Variants in BICRAL observed in about 807,000 individuals in gnomAD.
BICRAL encodes BRD4-interacting chromatin-remodeling complex-associated protein-like.
Under a neutral mutation model 91.8 loss-of-function variants are expected in BICRAL, and 8 were observed. That is an observed-to-expected ratio of 0.09 (90% CI 0.05 to 0.16). The LOEUF (loss-of-function observed/expected upper bound fraction) is 0.16. Ranked by LOEUF, BICRAL falls within the 10% of genes least tolerant of loss-of-function variation. The pLI, the probability that BICRAL is intolerant of heterozygous loss-of-function variation, is 1.00. For missense variants in BICRAL, 1,038 were observed against 1,310.9 expected, an observed-to-expected ratio of 0.79 and a Z score of 3.21; for synonymous variants, 445 against 491.1, an observed-to-expected ratio of 0.91 and a Z score of 1.24.
At position 42,764,469 on chromosome 6, in the gene BICRAL, C is replaced by T. The variant is rs534424499; in HGVS notation, c.-260-17370C>T. 3.3e-5 allele frequency among the ~76,000 whole-genome samples: 5 copies of T among 151,704 alleles called. No individual in the cohort carries two copies. In the South Asian group the frequency reaches 8.3e-4, roughly 25 times the overall value. On this transcript the variant is annotated intron_variant, in intron 1 of 14. Coordinates refer to the BICRAL transcript ENST00000614467. ...CCAGAGGCTGAGGTTGGAGGATCAC[C>T]TGAGCCTGGGAAGTTGAGGCTGCAG...
intron 6 of BICRAL, among the ~76,000 whole-genome samples, chr6:42,850,850 G>T (rs895382032): frequency 6.7e-6 from 1 of 149,642 alleles, no homozygotes; most frequent in Non-Finnish European, 1.5e-5. Flanking sequence ...GCCTGGTGAC[G>T]GAGTGAGATT....
rs754888670 is a variant in BICRAL, at chr6:42,828,819, G to A, written c.486G>A (p.Thr162=). 9.3e-6 allele frequency: 15 copies of A among 1,614,016 alleles called. No individual in the cohort carries two copies. Among genetic ancestry groups the A allele is most frequent in the Middle Eastern group, 3.3e-4 (2 of 6,084 alleles). ...ATGTTTCTAATTACTCAGGTCAGACGCTGCAGCCTATAGGGGTGACGCATG... is the reference window on the plus strand; with the variant it reads ...ATGTTTCTAATTACTCAGGTCAGACACTGCAGCCTATAGGGGTGACGCATG... ...ASNVSNYSGQ[T]LQPIGVTHVP... The change falls in exon 6 of 13, where the codon ACG becomes ACA. Residue 162 remains threonine (T), a synonymous_variant. Coordinates refer to ENST00000314073, the MANE Select transcript of BICRAL (RefSeq NM_001393499.1).
At chr6:42,860,715 A>G (rs1765530739) in intron 11 of BICRAL, among the ~76,000 whole-genome samples, 1 of 152,250 alleles carries the variant, frequency 6.6e-6, no homozygotes, top group African/African-American at 2.4e-5. Flanking sequence ...GCCTTTCACC[A>G]ACCCAGAGAT....
chr6:42,855,556 A>T (rs1205371531), intron 8 of BICRAL, among the ~76,000 whole-genome samples: 1 of 151,758 alleles, frequency 6.6e-6, no homozygotes, highest in Non-Finnish European at 1.5e-5. Context: ...CATGATGATG[A>T]TGATGATGAT....
upstream of BICRAL, among the ~76,000 whole-genome samples, chr6:42,781,596 G>GGTGT (rs61437847): frequency 0.25 from 25,699 of 102,752 alleles, 3,490 homozygotes; most frequent in South Asian, 0.4. Context: ...TGGGTGGGTG[G>GGTGT]GTGTGTGTGT....
At chr6:42,839,531 A>G (rs1371372334) in intron 6 of BICRAL, among the ~76,000 whole-genome samples, 1 of 151,552 alleles carries the variant, frequency 6.6e-6, no homozygotes, top group East Asian at 1.9e-4. Flanking sequence ...GAGCCCTCAT[A>G]CTCCCTCAGC....
At chr6:42,747,541 A>G (rs757609343) in intron 1 of BICRAL, among the ~76,000 whole-genome samples, 11 of 150,576 alleles carry the variant, frequency 7.3e-5, no homozygotes, top group Admixed American at 3.3e-4. Context: ...TTCCCACTTA[A>G]AACAAACAAA....
At chr6:42,845,437 T>G (rs1764977662) in intron 6 of BICRAL, among the ~76,000 whole-genome samples, 1 of 151,732 alleles carries the variant, frequency 6.6e-6, no homozygotes, top group Non-Finnish European at 1.5e-5. Flanking sequence ...GTTACTCAAA[T>G]GGCTCATCAA....
chr6:42,822,843 C>A lies in BICRAL; in HGVS notation c.89C>A (p.Ser30Tyr). Residue 30 changes from serine (S) to tyrosine (Y), a missense_variant and splice_region_variant, in exon 4 of 13, where the codon TCT (serine) becomes TAT (tyrosine). By Grantham distance (144) the Ser-to-Tyr change is moderately radical (BLOSUM62 -2). Transcript: ENST00000314073. Reference protein sequence around the residue: ...NYFLHGPSNKSSNDDLTNAGY... With the variant: ...NYFLHGPSNKYSNDDLTNAGY... ...TTTCTACATGGACCTAGTAATAAAT[C>A]TGTAAGTAATGCATAGAATACCACA... 1 of 1,559,712 alleles carries A rather than the reference C, an allele frequency of 6.4e-7. No individual in the cohort carries two copies. The highest frequency in any genetic ancestry group is 8.8e-7 in the Non-Finnish European group (1 of 1,131,072).
In BICRAL at chr6:42,754,174, CT is replaced by C. The variant is rs879358224; in HGVS notation, c.-261+7166del. 4.4e-3 allele frequency among the ~76,000 whole-genome samples: 629 copies of C among 142,106 alleles called. 2 individuals are homozygous for C. The highest frequency in any genetic ancestry group is 0.01 in the African/African-American group (408 of 39,026). 93.2% of individuals were successfully genotyped at this position (142,106 alleles called of 152,430 possible). On this transcript the variant is annotated intron_variant, in intron 1 of 14. Coordinates refer to the BICRAL transcript ENST00000614467. ...ATGAGAATTTGCTAACATACAGAAA[CT>C]TTTTTTTTTTTTTTGAGACGGAGTC...
intron 1 of BICRAL, among the ~76,000 whole-genome samples, chr6:42,795,869 A>T (rs1013701510): frequency 6.6e-6 from 1 of 152,212 alleles, no homozygotes; most frequent in East Asian, 1.9e-4. Flanking sequence ...TCATCATCAA[A>T]TATTTATTAA....
Position 42,853,683 on chromosome 6 carries a change from C to T in BICRAL, c.1991C>T (p.Ala664Val), listed in dbSNP as rs138499464. Residue 664 changes from alanine to valine, a missense_variant, in exon 8 of 13, where the codon GCA becomes GTA. Ala to Val is a moderately conservative substitution (Grantham distance 64). Transcript: ENST00000314073. ...SKVISASLGTAQPQQEKVVGS... is the reference protein window; with the variant it reads ...SKVISASLGTVQPQQEKVVGS... ...GTTATATCCGCATCCTTAGGAACCG[C>T]ACAACCACAGCAGGAAAAAGTAGTT... 1.7e-5 allele frequency: 27 copies of T among 1,613,994 alleles called. No homozygotes were observed. Among genetic ancestry groups the T allele is most frequent in the Non-Finnish European group, 2.2e-5 (26 of 1,179,968 alleles).
At chr6:42,789,236 A>G (rs9471917) in intron 1 of BICRAL, among the ~76,000 whole-genome samples, 72,300 of 152,044 alleles carry the variant, frequency 0.48, 18,868 homozygotes, top group African/African-American at 0.7. Context: ...CCACTCAACC[A>G]AACACTTTTA....
At chr6:42,798,388 A>AT (rs35438871) in intron 1 of BICRAL, among the ~76,000 whole-genome samples, 69,948 of 151,484 alleles carry the variant, frequency 0.46, 17,959 homozygotes, top group African/African-American at 0.69. Flanking sequence ...AAGAAAAAAA[A>AT]TTTTTTTAAT....
chr6:42,753,823 G>A (rs1016439271), intron 1 of BICRAL, among the ~76,000 whole-genome samples: 1 of 152,076 alleles, frequency 6.6e-6, no homozygotes, highest in Non-Finnish European at 1.5e-5. Flanking sequence ...TGTTGGCCAG[G>A]CTGGTCTTGA....
intron 1 of BICRAL, among the ~76,000 whole-genome samples, chr6:42,795,603 A>G (rs1341766821): frequency 2.0e-5 from 3 of 152,228 alleles, no homozygotes; most frequent in Non-Finnish European, 2.9e-5. Flanking sequence ...ACTCTCAAGC[A>G]TATCTTTAGG....
chr6:42,798,279 C>A (rs1347617424), intron 1 of BICRAL, among the ~76,000 whole-genome samples: 1 of 152,054 alleles, frequency 6.6e-6, no homozygotes, highest in African/African-American at 2.4e-5. Context: ...AAAGCCCAAT[C>A]CCCACCAGTA....
chr6:42,759,941 G>A (rs1185931794), intron 1 of BICRAL, among the ~76,000 whole-genome samples: 1 of 152,116 alleles, frequency 6.6e-6, no homozygotes, highest in African/African-American at 2.4e-5. Flanking sequence ...CACAGTAAGT[G>A]CTTGTTAAAG....
intron 1 of BICRAL, among the ~76,000 whole-genome samples, chr6:42,802,924 T>C (rs1350237732): frequency 1.3e-5 from 2 of 152,182 alleles, no homozygotes; most frequent in African/African-American, 4.8e-5. Context: ...TCCATAGTTA[T>C]CAAAATGCCC....
Sources: gnomAD v4.1 joint callset for allele counts (sites outside exome capture counted in the v4.1 genomes callset) on GRCh38, gnomAD v4.1.1 for gene constraint, MANE v1.5 for transcripts, NCBI Gene and HGNC (gene_info 2026-07-23, HGNC 2026-07-21) for gene names.